The following SGCD variants were observed in gnomAD, a reference collection of about 807,000 sequenced individuals.
The protein encoded by SGCD is delta-sarcoglycan.
SGCD carries 18 observed loss-of-function variants against 36.6 expected under a neutral mutation model. That is an observed-to-expected ratio of 0.49 (90% CI 0.34 to 0.73). The LOEUF (loss-of-function observed/expected upper bound fraction) is 0.73. Among genes scored for constraint, SGCD ranks in the 30% least tolerant of loss-of-function variants. The probability of loss-of-function intolerance (pLI) is 0.01; values close to 1 mark genes in which losing one functional copy is unlikely to be tolerated. For missense variants in SGCD, 387 were observed against 346.7 expected, an observed-to-expected ratio of 1.12 and a Z score of -0.92; for synonymous variants, 133 against 130.6, an observed-to-expected ratio of 1.02 and a Z score of -0.12.
At chr5:155,903,023 A>G (rs1214596352) in intron 1 of SGCD, among the ~76,000 whole-genome samples, 2 of 152,198 alleles carry the variant, frequency 1.3e-5, no homozygotes, top group East Asian at 1.9e-4. Context: ...TTATTTATGT[A>G]CTTGAACCAG....
intron 7 of SGCD, among the ~76,000 whole-genome samples, chr5:156,673,563 T>C (rs996770073): frequency 1.3e-5 from 2 of 152,160 alleles, no homozygotes; most frequent in South Asian, 2.1e-4. Flanking sequence ...AAATATAACC[T>C]GACTCGTTAA....
intron 7 of SGCD, among the ~76,000 whole-genome samples, chr5:156,665,473 C>T (rs1371864283): frequency 2.0e-5 from 3 of 152,034 alleles, no homozygotes; most frequent in African/African-American, 7.3e-5. Flanking sequence ...AACTGAAATG[C>T]TATCTTCTTC....
intron 2 of SGCD, among the ~76,000 whole-genome samples, chr5:156,343,263 T>C (rs1433886229): frequency 6.6e-6 from 1 of 152,154 alleles, no homozygotes; most frequent in East Asian, 1.9e-4. Flanking sequence ...ATAAATGGAG[T>C]AGGTCTTATT....
chr5:156,546,926 T>G (rs893009748), intron 4 of SGCD, among the ~76,000 whole-genome samples: 1 of 152,208 alleles, frequency 6.6e-6, no homozygotes, highest in Admixed American at 6.5e-5. Flanking sequence ...TAACTAGATA[T>G]AGTAAGGCAT....
At chr5:156,125,620 ATTAT>A (rs1762152712) in intron 3 of SGCD, among the ~76,000 whole-genome samples, 1 of 151,994 alleles carries the variant, frequency 6.6e-6, no homozygotes, top group Admixed American at 6.6e-5. Flanking sequence ...AAGTAGATTA[ATTAT>A]TTTTCTCTTT....
chr5:156,032,337 T>G (rs1029047530), intron 1 of SGCD, among the ~76,000 whole-genome samples: 2 of 152,178 alleles, frequency 1.3e-5, no homozygotes, highest in African/African-American at 2.4e-5. Context: ...TATTCTTTTT[T>G]GTTTTTTTAA....
chr5:155,898,101 C>T (rs1483221975), intron 1 of SGCD, among the ~76,000 whole-genome samples: 5 of 152,146 alleles, frequency 3.3e-5, no homozygotes, highest in African/African-American at 1.2e-4. Flanking sequence ...ACATTATATC[C>T]CTTTCTCCTT....
chr5:156,022,754 C>G (rs1759134299), intron 1 of SGCD, among the ~76,000 whole-genome samples: 1 of 151,962 alleles, frequency 6.6e-6, no homozygotes. Flanking sequence ...GTCATTTTGC[C>G]TTTTCTTTTT....
intron 3 of SGCD, among the ~76,000 whole-genome samples, chr5:156,134,708 G>C (rs999749851): frequency 6.9e-6 from 1 of 144,846 alleles, no homozygotes; most frequent in Non-Finnish European, 1.5e-5. Context: ...GGTTGGGGGA[G>C]GGGGGAGGGA....
chr5:155,820,879 C>T, the SGCD span, among the ~76,000 whole-genome samples: 2 of 151,952 alleles, frequency 1.3e-5, no homozygotes, highest in African/African-American at 4.8e-5. Flanking sequence ...GCTTTTGACA[C>T]CAAGCAGATC....
At chr5:156,222,349 C>A (rs576748494) in intron 3 of SGCD, among the ~76,000 whole-genome samples, 9 of 152,078 alleles carry the variant, frequency 5.9e-5, no homozygotes, top group Non-Finnish European at 1.0e-4. Flanking sequence ...ATCACTAATT[C>A]CTACATTTTA....
At chr5:156,169,226 T>A (rs991478678) in intron 3 of SGCD, among the ~76,000 whole-genome samples, 4 of 152,140 alleles carry the variant, frequency 2.6e-5, no homozygotes, top group African/African-American at 9.7e-5. Context: ...ACGAAGGAAT[T>A]ATTGCTGAGT....
At chr5:156,144,090 G>T (rs1762647937) in intron 3 of SGCD, among the ~76,000 whole-genome samples, 1 of 151,822 alleles carries the variant, frequency 6.6e-6, no homozygotes, top group African/African-American at 2.4e-5. Flanking sequence ...TGGCTGCATG[G>T]TATTCCATGG....
chr5:156,698,231 G>A (rs1026990364), intron 7 of SGCD, among the ~76,000 whole-genome samples: 2 of 152,104 alleles, frequency 1.3e-5, no homozygotes, highest in Admixed American at 6.5e-5. Context: ...ACACTTTCTA[G>A]GCATGAAATC....
At chr5:156,707,596 CTG>C (rs1213091385) in intron 7 of SGCD, among the ~76,000 whole-genome samples, 1 of 152,014 alleles carries the variant, frequency 6.6e-6, no homozygotes, top group African/African-American at 2.4e-5. Flanking sequence ...GAAAACTAGT[CTG>C]TATATTTTTA....
chr5:156,708,706 G>T (rs1220676253), intron 7 of SGCD, among the ~76,000 whole-genome samples: 1 of 152,128 alleles, frequency 6.6e-6, no homozygotes, highest in Non-Finnish European at 1.5e-5. Flanking sequence ...AAGAGAAAGT[G>T]CACTATTTTG....
At chr5:155,894,416 C>T (rs765508874) in intron 1 of SGCD, among the ~76,000 whole-genome samples, 9 of 152,100 alleles carry the variant, frequency 5.9e-5, no homozygotes, top group East Asian at 1.9e-4. Flanking sequence ...GTATGTCACA[C>T]GAGCCTTTGA....
the SGCD span, among the ~76,000 whole-genome samples, chr5:155,786,524 A>G: frequency 6.6e-6 from 1 of 152,104 alleles, no homozygotes; most frequent in African/African-American, 2.4e-5. Context: ...AAAGTTTGGG[A>G]CACAGATCAG....
chr5:156,628,132 G>A (rs1316084542), intron 6 of SGCD, among the ~76,000 whole-genome samples: 5 of 152,106 alleles, frequency 3.3e-5, no homozygotes, highest in African/African-American at 1.2e-4. Flanking sequence ...AGAGGAGACT[G>A]GGGAGGTGCC....
Sources: allele counts gnomAD v4.1 joint callset (sites outside exome capture counted in the v4.1 genomes callset), GRCh38; gene constraint gnomAD v4.1.1; transcripts MANE v1.5; gene names NCBI Gene and HGNC (gene_info 2026-07-23, HGNC 2026-07-21).